The following OPCML variants were observed in gnomAD, a reference collection of about 807,000 sequenced individuals.
OPCML encodes opioid binding protein/cell adhesion molecule like.
A neutral mutation model predicts 37.8 loss-of-function variants in OPCML; 13 were observed. That is an observed-to-expected ratio of 0.34 (90% confidence interval 0.22 to 0.55). The LOEUF is 0.55. Among genes scored for constraint, OPCML ranks in the 20% least tolerant of loss-of-function variants. The pLI is 0.91. For missense variants in OPCML, 341 were observed against 435.6 expected (o/e 0.78, Z 1.93); for synonymous variants, 176 against 168.8 (o/e 1.04, Z -0.33).
chr11:132,660,973 C>T (rs61694348), intron 2 of OPCML, among the ~76,000 whole-genome samples: 3,135 of 152,258 alleles, frequency 0.021, 42 homozygotes, highest in African/African-American at 0.036. Flanking sequence ...TGAATCCTAT[C>T]GTTGTCCTTG....
At chr11:132,929,054 A>G (rs965346474) in intron 2 of OPCML, among the ~76,000 whole-genome samples, 1 of 151,772 alleles carries the variant, frequency 6.6e-6, no homozygotes, top group African/African-American at 2.4e-5. Context: ...ACTAAAAAAA[A>G]GAAGAACAAA....
intron 1 of OPCML, among the ~76,000 whole-genome samples, chr11:133,037,605 G>A (rs1233105957): frequency 6.6e-6 from 1 of 152,124 alleles, no homozygotes; most frequent in Non-Finnish European, 1.5e-5. Flanking sequence ...TTTATACTTA[G>A]CTCAAATGTC....
chr11:133,081,055 G>A (rs1373137998), intron 1 of OPCML, among the ~76,000 whole-genome samples: 3 of 152,156 alleles, frequency 2.0e-5, no homozygotes, highest in Non-Finnish European at 2.9e-5. Context: ...AATTGGAAGT[G>A]TTAGAATTGG....
intron 4 of OPCML, among the ~76,000 whole-genome samples, chr11:132,492,727 G>A (rs1376750357): frequency 6.6e-6 from 1 of 151,860 alleles, no homozygotes; most frequent in South Asian, 2.1e-4. Flanking sequence ...GCGTTTAAAA[G>A]CATGATATAG....
chr11:133,088,805 G>C (rs967885016), intron 1 of OPCML, among the ~76,000 whole-genome samples: 4 of 152,162 alleles, frequency 2.6e-5, no homozygotes, highest in Admixed American at 2.0e-4. Flanking sequence ...CCATCTGAGA[G>C]GGGGGCAGGT....
chr11:132,650,737 T>C (rs1040932823), intron 3 of OPCML, among the ~76,000 whole-genome samples: 1 of 152,176 alleles, frequency 6.6e-6, no homozygotes, highest in Non-Finnish European at 1.5e-5. Context: ...CCTGCACTTT[T>C]AGGAGCCGAG....
chr11:132,611,945 C>T (rs896861329), intron 3 of OPCML, among the ~76,000 whole-genome samples: 2 of 152,082 alleles, frequency 1.3e-5, no homozygotes, highest in African/African-American at 2.4e-5. Flanking sequence ...CAGTAGCGAC[C>T]GGAGGAGACG....
intron 2 of OPCML, among the ~76,000 whole-genome samples, chr11:132,844,009 T>A (rs1941412185): frequency 6.6e-6 from 1 of 152,176 alleles, no homozygotes. Flanking sequence ...AGGTCTTTCT[T>A]GTGCTGTTCT....
chr11:132,843,965 G>A (rs1941410116), intron 2 of OPCML, among the ~76,000 whole-genome samples: 1 of 149,996 alleles, frequency 6.7e-6, no homozygotes, highest in South Asian at 2.1e-4. Context: ...TGTTGTGGGA[G>A]GGACCTGGTG....
At chr11:133,470,819 T>C (rs7105724) in intron 1 of OPCML, among the ~76,000 whole-genome samples, 56,141 of 152,146 alleles carry the variant, frequency 0.37, 15,728 homozygotes, top group African/African-American at 0.79. Flanking sequence ...GGACAAGCCA[T>C]GTTTGTCTGC....
chr11:132,768,328 G>A (rs369867893), intron 2 of OPCML, among the ~76,000 whole-genome samples: 39 of 152,206 alleles, frequency 2.6e-4, no homozygotes, highest in African/African-American at 7.9e-4. Flanking sequence ...CCCCCATTCC[G>A]TCGATCTCTA....
At chr11:133,306,980 G>A (rs149396292) in intron 1 of OPCML, among the ~76,000 whole-genome samples, 6 of 152,254 alleles carry the variant, frequency 3.9e-5, no homozygotes, top group Admixed American at 2.0e-4. Flanking sequence ...CCTGTACCAC[G>A]AATGTAGTGG....
chr11:132,736,967 T>C (rs1172984507), intron 2 of OPCML, among the ~76,000 whole-genome samples: 2 of 152,204 alleles, frequency 1.3e-5, no homozygotes, highest in East Asian at 1.9e-4. Flanking sequence ...TCCCTGATGA[T>C]GAAATGTTCA....
At chr11:133,086,635 C>G (rs954836529) in intron 1 of OPCML, among the ~76,000 whole-genome samples, 1 of 151,520 alleles carries the variant, frequency 6.6e-6, no homozygotes, top group Non-Finnish European at 1.5e-5. Context: ...ACTGCACAAT[C>G]AAATTAAGGA....
intron 1 of OPCML, among the ~76,000 whole-genome samples, chr11:133,111,629 C>G (rs1265796771): frequency 1.3e-5 from 2 of 152,174 alleles, no homozygotes; most frequent in Admixed American, 6.5e-5. Context: ...ATCTGGAGCT[C>G]CCTTTAAACT....
At chr11:132,512,492 G>T (rs968973162) in intron 4 of OPCML, among the ~76,000 whole-genome samples, 1 of 151,728 alleles carries the variant, frequency 6.6e-6, no homozygotes, top group African/African-American at 2.4e-5. Context: ...ACAAACAGTG[G>T]TACAATCATA....
chr11:133,097,255 AATCTT>A (rs1949016451), intron 1 of OPCML, among the ~76,000 whole-genome samples: 1 of 152,194 alleles, frequency 6.6e-6, no homozygotes, highest in Non-Finnish European at 1.5e-5. Flanking sequence ...TCACTGGAAA[AATCTT>A]AAGATACTTG....
chr11:133,093,372 C>T (rs1292636197), intron 1 of OPCML, among the ~76,000 whole-genome samples: 2 of 151,904 alleles, frequency 1.3e-5, no homozygotes, highest in African/African-American at 2.4e-5. Context: ...ATACATGTGC[C>T]GTGGTGGTTT....
intron 1 of OPCML, among the ~76,000 whole-genome samples, chr11:132,965,681 G>T (rs1946198095): frequency 6.6e-6 from 1 of 151,798 alleles, no homozygotes; most frequent in Admixed American, 6.6e-5. Context: ...TCCATGCAAG[G>T]GCCACCACGC....
Sources: gnomAD v4.1 joint callset for allele counts (sites outside exome capture counted in the v4.1 genomes callset) on GRCh38, gnomAD v4.1.1 for gene constraint, MANE v1.5 for transcripts, NCBI Gene and HGNC (gene_info 2026-07-23, HGNC 2026-07-21) for gene names.